The following LRP1B variants were observed in gnomAD, a reference collection of about 807,000 sequenced individuals.
LRP1B encodes the protein low-density lipoprotein receptor-related protein 1B.
A neutral mutation model predicts 556.6 loss-of-function variants in LRP1B; 217 were observed. The ratio of observed to expected loss-of-function variants is 0.39; its 90% confidence interval spans 0.35 to 0.44. LRP1B has a LOEUF of 0.44. LRP1B is among the 20% of genes least tolerant of loss of function. LRP1B has a pLI of 1.00. For missense variants in LRP1B, 5,053 were observed against 5,620.8 expected (o/e 0.90, Z 3.23); for synonymous variants, 2,047 against 1,865.8 (o/e 1.10, Z -2.50).
In LRP1B at chr2:140,364,464, G is replaced by C. The variant is rs1277918997; in HGVS notation, c.11131+197C>G. On this transcript the variant is annotated intron_variant, in intron 72 of 90. Transcript: ENST00000389484. ...ACATGTGCAAGTTCAGATTTAGGAT[G>C]AGTCTCTATAAAGTCATAACTTCGG... Among the ~76,000 whole-genome samples, 4 of 151,530 alleles carry C rather than the reference G, an allele frequency of 2.6e-5. No individual in the cohort carries two copies. The South Asian group carries it at 8.3e-4, about 31-fold the overall frequency.
chr2:141,112,270 G>T (rs1401696876), intron 7 of LRP1B, among the ~76,000 whole-genome samples: 1 of 152,074 alleles, frequency 6.6e-6, no homozygotes, highest in East Asian at 1.9e-4. Flanking sequence ...GTTGCCTGCT[G>T]CCCATTTTCC....
At chr2:141,628,161 A>C (rs763986821) in intron 2 of LRP1B, among the ~76,000 whole-genome samples, 14 of 152,178 alleles carry the variant, frequency 9.2e-5, no homozygotes, top group Admixed American at 6.5e-5. Context: ...GACATTACAG[A>C]GTAACACCAC....
At chr2:141,763,799 G>A (rs1209989853) in intron 2 of LRP1B, among the ~76,000 whole-genome samples, 1 of 152,014 alleles carries the variant, frequency 6.6e-6, no homozygotes, top group African/African-American at 2.4e-5. Flanking sequence ...TTAAAGATAA[G>A]AATATATAAT....
intron 3 of LRP1B, among the ~76,000 whole-genome samples, chr2:141,458,378 T>G (rs1004723388): frequency 6.6e-6 from 1 of 152,240 alleles, no homozygotes; most frequent in African/African-American, 2.4e-5. Flanking sequence ...TCAAGGTGAA[T>G]GAGCTCTGAA....
At chr2:140,998,043 T>G (rs2105364427) in intron 15 of LRP1B, among the ~76,000 whole-genome samples, 1 of 152,122 alleles carries the variant, frequency 6.6e-6, no homozygotes, top group Non-Finnish European at 1.5e-5. Flanking sequence ...CACATTAGAT[T>G]GCATATATCC....
At chr2:140,685,244 A>G (rs1686008040) in intron 41 of LRP1B, among the ~76,000 whole-genome samples, 1 of 152,190 alleles carries the variant, frequency 6.6e-6, no homozygotes, top group Admixed American at 6.5e-5. Flanking sequence ...TGCTGGCTAG[A>G]TTCTATTAAT....
chr2:140,872,012 TTGTG>T (rs545191922), intron 25 of LRP1B, among the ~76,000 whole-genome samples: 1 of 150,466 alleles, frequency 6.6e-6, no homozygotes, highest in Non-Finnish European at 1.5e-5. Flanking sequence ...GTGTGTCTAT[TTGTG>T]TGTGTGTGTG....
intron 20 of LRP1B, among the ~76,000 whole-genome samples, chr2:140,945,256 G>A (rs1695508483): frequency 2.0e-5 from 3 of 152,076 alleles, no homozygotes; most frequent in Admixed American, 2.0e-4. Context: ...CTCATGGATT[G>A]CAATAATCAA....
At chr2:141,516,754 A>G (rs959346273) in intron 2 of LRP1B, among the ~76,000 whole-genome samples, 6 of 148,036 alleles carry the variant, frequency 4.1e-5, no homozygotes, top group African/African-American at 1.5e-4. Context: ...CTGGAGTGCA[A>G]TGATGTGAAC....
At chr2:140,742,661 C>A (rs1688181176) in intron 35 of LRP1B, among the ~76,000 whole-genome samples, 1 of 151,924 alleles carries the variant, frequency 6.6e-6, no homozygotes, top group African/African-American at 2.4e-5. Context: ...TGATCTCAAA[C>A]TCCTAGGCTC....
At chr2:140,575,316 CT>C (rs1488760010) in intron 43 of LRP1B, among the ~76,000 whole-genome samples, 1 of 152,152 alleles carries the variant, frequency 6.6e-6, no homozygotes. Context: ...AAACTAAATG[CT>C]AACTCTCCCT....
chr2:140,943,445 T>C (rs538438317), intron 20 of LRP1B, among the ~76,000 whole-genome samples: 19 of 152,176 alleles, frequency 1.2e-4, no homozygotes, highest in Middle Eastern at 3.4e-3. Context: ...ATCTACAGAA[T>C]ACTCCACTCA....
intron 2 of LRP1B, among the ~76,000 whole-genome samples, chr2:141,659,878 G>C (rs1053562264): frequency 1.3e-5 from 2 of 152,144 alleles, no homozygotes; most frequent in Non-Finnish European, 2.9e-5. Flanking sequence ...ATCACTAAGG[G>C]AGAGTGATAA....
intron 1 of LRP1B, among the ~76,000 whole-genome samples, chr2:141,881,746 A>G (rs998916171): frequency 6.6e-6 from 1 of 152,148 alleles, no homozygotes; most frequent in Non-Finnish European, 1.5e-5. Flanking sequence ...TACAAAAAAT[A>G]TACTCTAAAC....
chr2:140,280,667 G>T (rs900049960), intron 84 of LRP1B, among the ~76,000 whole-genome samples: 2 of 151,690 alleles, frequency 1.3e-5, no homozygotes, highest in African/African-American at 4.8e-5. Flanking sequence ...ACCCAACATT[G>T]ATCTAAATGG....
intron 35 of LRP1B, among the ~76,000 whole-genome samples, chr2:140,728,423 T>A (rs931114920): frequency 3.6e-4 from 55 of 152,294 alleles, no homozygotes; most frequent in East Asian, 1.9e-3. Context: ...GAAATTTTTT[T>A]ATTTTATTTT....
chr2:141,857,421 G>A (rs183332393), intron 1 of LRP1B, among the ~76,000 whole-genome samples: 151 of 151,906 alleles, frequency 9.9e-4, no homozygotes, highest in African/African-American at 3.5e-3. Context: ...GCTCAATGCA[G>A]CCTCAACCTC....
At chr2:141,504,727 T>C (rs1470273228) in intron 2 of LRP1B, among the ~76,000 whole-genome samples, 1 of 152,132 alleles carries the variant, frequency 6.6e-6, no homozygotes, top group Non-Finnish European at 1.5e-5. Flanking sequence ...GTGGATGTCT[T>C]AAACCTGTGT....
At chr2:140,532,929 G>GATATATATATAC (rs1690765480) in intron 47 of LRP1B, among the ~76,000 whole-genome samples, 3 of 50,380 alleles carry the variant, frequency 6.0e-5, no homozygotes, top group African/African-American at 1.2e-4. Context: ...CACAGCACAA[G>GATATATATATAC]ATATATATAT....
Sources: allele counts gnomAD v4.1 joint callset (sites outside exome capture counted in the v4.1 genomes callset), GRCh38; gene constraint gnomAD v4.1.1; transcripts MANE v1.5; gene names NCBI Gene and HGNC (gene_info 2026-07-23, HGNC 2026-07-21).